RASGRP3: variants seen among roughly 807,000 people sequenced by gnomAD.
The protein encoded by RASGRP3 is RAS guanyl releasing protein 3, also known as ras guanyl-releasing protein 3.
RASGRP3 carries 54 observed loss-of-function variants against 82.7 expected under a neutral mutation model. That is an observed-to-expected ratio of 0.65 (90% confidence interval 0.52 to 0.82). The LOEUF (loss-of-function observed/expected upper bound fraction) is 0.82. Ranked by LOEUF, RASGRP3 falls within the 40% of genes least tolerant of loss-of-function variation. RASGRP3 has a pLI of 0.00. For missense variants in RASGRP3, 861 were observed against 828.9 expected (o/e 1.04, Z -0.48); for synonymous variants, 309 against 300.5 (o/e 1.03, Z -0.29).
chr2:33,497,059 A>C (rs780974642), intron 1 of RASGRP3, among the ~76,000 whole-genome samples: 2 of 152,132 alleles, frequency 1.3e-5, no homozygotes, highest in Non-Finnish European at 2.9e-5. Flanking sequence ...TCAAGTACGT[A>C]GTAATAAGTT....
At chr2:33,441,253 CT>C (rs921729639) in intron 1 of RASGRP3, among the ~76,000 whole-genome samples, 21 of 152,078 alleles carry the variant, frequency 1.4e-4, no homozygotes, top group Non-Finnish European at 2.6e-4. Context: ...CCCCATTTCC[CT>C]TTCCCCCCTC....
intron 2 of RASGRP3, among the ~76,000 whole-genome samples, chr2:33,465,365 T>C (rs557530544): frequency 1.3e-5 from 2 of 152,268 alleles, no homozygotes; most frequent in East Asian, 1.9e-4. Context: ...CAGAGGTTTG[T>C]TGATAAGGCT....
chr2:33,469,916 A>G (rs1292081827), intron 2 of RASGRP3, among the ~76,000 whole-genome samples: 2 of 152,228 alleles, frequency 1.3e-5, no homozygotes, highest in Non-Finnish European at 2.9e-5. Context: ...ACCATATTGA[A>G]CAAATACAAT....
intron 1 of RASGRP3, among the ~76,000 whole-genome samples, chr2:33,480,260 C>G (rs1331126777): frequency 3.3e-5 from 5 of 152,032 alleles, no homozygotes; most frequent in Admixed American, 1.3e-4. Context: ...AGCCAGGATG[C>G]TCTCGATCTC....
At position 33,456,628 on chromosome 2, in the gene RASGRP3, T is replaced by C. The variant is rs117427965; in HGVS notation, c.-261+8685T>C. On this transcript the variant is annotated intron_variant, in intron 2 of 18. Coordinates refer to the RASGRP3 transcript ENST00000402538. ...TTTAAACAAGTTTGTTAATGTATAA[T>C]TGACATATGATAATCCACACATATT... is the stretch of plus-strand genomic sequence containing the variant. 9.7e-4 allele frequency among the ~76,000 whole-genome samples: 148 copies of C among 152,354 alleles called. 6 individuals carry two copies. In the East Asian group the frequency reaches 0.027, roughly 28 times the overall value.
chr2:33,558,064 A>C (rs1365033188), intron 15 of RASGRP3, 147 bp from the exon 16 acceptor site: 2 of 1,072,384 alleles, frequency 1.9e-6, no homozygotes, highest in African/African-American at 1.6e-5. Flanking sequence ...CAGATCCTAG[A>C]CACACCCCAT....
Position 33,461,203 on chromosome 2 carries a change from C to G in RASGRP3, c.-261+13260C>G, listed in dbSNP as rs1666344288. On this transcript the variant is annotated intron_variant, in intron 2 of 18. Coordinates refer to the RASGRP3 transcript ENST00000402538. ...ACTTTTTATTCATGAGACTGGCAAT[C>G]ACAAAGATGAGCTTTGAGAAGACTC... is the stretch of plus-strand genomic sequence containing the variant. Among the ~76,000 whole-genome samples the G allele has an allele frequency of 3.9e-5, 6 of 152,220 alleles. No individual in the cohort carries two copies. In the South Asian group the frequency reaches 1.0e-3, roughly 26 times the overall value.
intron 2 of RASGRP3, among the ~76,000 whole-genome samples, chr2:33,464,014 C>G (rs1458624476): frequency 6.6e-6 from 1 of 151,604 alleles, no homozygotes; most frequent in Non-Finnish European, 1.5e-5. Context: ...AACCCTGCAT[C>G]AAGCAAGTCT....
At chr2:33,550,860 G>A (rs1007885159) in intron 14 of RASGRP3, among the ~76,000 whole-genome samples, 1 of 152,184 alleles carries the variant, frequency 6.6e-6, no homozygotes, top group Non-Finnish European at 1.5e-5. Context: ...GGGTAAATAA[G>A]AGGCAGCCGT....
intron 2 of RASGRP3, among the ~76,000 whole-genome samples, chr2:33,461,006 A>G (rs143497481): frequency 1.7e-3 from 264 of 152,304 alleles, no homozygotes; most frequent in Non-Finnish European, 2.8e-3. Flanking sequence ...GTTGCAATCC[A>G]TGCTCCTCTG....
chr2:33,457,840 T>TA (rs907609201), intron 2 of RASGRP3, among the ~76,000 whole-genome samples: 3 of 152,144 alleles, frequency 2.0e-5, no homozygotes, highest in African/African-American at 7.2e-5. Context: ...AGAAAATGGT[T>TA]AAAAAAAGTT....
intron 1 of RASGRP3, among the ~76,000 whole-genome samples, chr2:33,504,978 T>A (rs1280474451): frequency 1.3e-5 from 2 of 152,158 alleles, no homozygotes; most frequent in Non-Finnish European, 2.9e-5. Context: ...TTGGTGAGAA[T>A]TAAGTAAAAA....
intron 4 of RASGRP3, among the ~76,000 whole-genome samples, chr2:33,518,799 A>T (rs1671706140): frequency 6.6e-6 from 1 of 152,152 alleles, no homozygotes; most frequent in African/African-American, 2.4e-5. Context: ...CAGGCTCAGG[A>T]TCATCAATAT....
chr2:33,527,859 C>A (rs1223314669), intron 10 of RASGRP3, among the ~76,000 whole-genome samples: 1 of 152,222 alleles, frequency 6.6e-6, no homozygotes, highest in Admixed American at 6.5e-5. Flanking sequence ...CCTCCCAAAC[C>A]TCCAGGATGT....
chr2:33,473,734 T>C (rs1427705529), upstream of RASGRP3, among the ~76,000 whole-genome samples: 5 of 152,190 alleles, frequency 3.3e-5, no homozygotes, highest in Admixed American at 2.6e-4. Flanking sequence ...GGCCTCTGTG[T>C]TAACAGTTTG....
In RASGRP3 at chr2:33,442,952, T is replaced by C. The variant is rs1172626498; in HGVS notation, c.-384-4868T>C. On this transcript the variant is annotated intron_variant, in intron 1 of 18. Coordinates refer to the RASGRP3 transcript ENST00000402538. Reference sequence around the variant, plus strand: ...GCTGGCAGCAATGACTTCCAATGTGTTTTTAATTCAGTAATCCGGTAATCC... The same window carrying C: ...GCTGGCAGCAATGACTTCCAATGTGCTTTTAATTCAGTAATCCGGTAATCC... Among the ~76,000 whole-genome samples the C allele has an allele frequency of 2.6e-5, 4 of 152,234 alleles. No homozygotes were observed. In the East Asian group the frequency reaches 5.8e-4, roughly 22 times the overall value.
chr2:33,533,494 C>G (rs1465509637), intron 10 of RASGRP3: 1 of 152,170 alleles, frequency 6.6e-6, no homozygotes, highest in Non-Finnish European at 1.5e-5. Context: ...TGTACCAGGT[C>G]CTGTGTGAAA....
At chr2:33,458,752 A>C (rs978974199) in intron 2 of RASGRP3, among the ~76,000 whole-genome samples, 5 of 152,246 alleles carry the variant, frequency 3.3e-5, no homozygotes, top group African/African-American at 1.2e-4. Flanking sequence ...CTGTGAAAGT[A>C]TAATAAAGTA....
rs1316417135 is a variant in RASGRP3 at position 33,539,052 on chromosome 2, T to A, written c.1162-42T>A. 3.0e-6 allele frequency: 4 copies of A among 1,349,288 alleles called. No individual in the cohort carries two copies. In the South Asian group the frequency reaches 5.2e-5, roughly 18 times the overall value. 83.6% of individuals were successfully genotyped at this position (1,349,288 alleles called of 1,614,324 possible). A position where few individuals can be genotyped will look rare whatever the true frequency, so the allele number is the denominator to read the frequency against. ...AGACCCTGTCTCAAAATAATAATAA[T>A]AATAAAGTTGAAAAATATGTGGTTT... On this transcript the variant is annotated intron_variant, in intron 11 of 17. Coordinates refer to ENST00000403687, the MANE Select transcript of RASGRP3 (RefSeq NM_001139488.2).
Sources: gnomAD v4.1 joint callset for allele counts (sites outside exome capture counted in the v4.1 genomes callset) on GRCh38, gnomAD v4.1.1 for gene constraint, MANE v1.5 for transcripts, NCBI Gene and HGNC (gene_info 2026-07-23, HGNC 2026-07-21) for gene names.